Variants in PPARGC1A observed in about 807,000 individuals in gnomAD.
PPARGC1A encodes PPARG coactivator 1 alpha.
A neutral mutation model predicts 88.7 loss-of-function variants in PPARGC1A; 25 were observed. The observed-to-expected ratio is 0.28, with a 90% CI of 0.21 to 0.39. The LOEUF (loss-of-function observed/expected upper bound fraction) is 0.39, where lower values mean the gene tolerates loss of function less well. Among genes scored for constraint, PPARGC1A ranks in the 10% least tolerant of loss-of-function variants. The pLI is 1.00. For missense variants in PPARGC1A, 880 were observed against 968.7 expected, an observed-to-expected ratio of 0.91 and a Z score of 1.22; for synonymous variants, 363 against 355.6, an observed-to-expected ratio of 1.02 and a Z score of -0.24.
chr4:23,816,386 T>C (rs1270504962), intron 7 of PPARGC1A, among the ~76,000 whole-genome samples: 1 of 152,204 alleles, frequency 6.6e-6, no homozygotes, highest in African/African-American at 2.4e-5. Flanking sequence ...CATAGATAAG[T>C]ATGTCTTTTA....
the PPARGC1A span, among the ~76,000 whole-genome samples, chr4:24,275,273 C>A: frequency 1.4e-4 from 22 of 152,276 alleles, no homozygotes; most frequent in African/African-American, 4.6e-4. Flanking sequence ...ATTACAAAAA[C>A]CAATTTTCTT....
At chr4:24,353,855 A>G in the PPARGC1A span, among the ~76,000 whole-genome samples, 2 of 152,222 alleles carry the variant, frequency 1.3e-5, no homozygotes, top group Non-Finnish European at 2.9e-5. Flanking sequence ...TGCAGGGTAC[A>G]CACACTAGGT....
chr4:24,456,361 T>A, the PPARGC1A span, among the ~76,000 whole-genome samples: 4 of 152,060 alleles, frequency 2.6e-5, no homozygotes, highest in Admixed American at 6.6e-5. Context: ...TGACCATGAA[T>A]CCTTACCTGG....
chr4:23,884,416 T>A, intron 2 of PPARGC1A: 1 of 344,836 alleles, frequency 2.9e-6, no homozygotes, highest in Non-Finnish European at 5.2e-6. Context: ...TCATTCTTTC[T>A]GTGGGAAATA....
At chr4:24,420,183 G>T in the PPARGC1A span, among the ~76,000 whole-genome samples, 2 of 152,146 alleles carry the variant, frequency 1.3e-5, no homozygotes, top group African/African-American at 4.8e-5. Flanking sequence ...GAGACTTAAC[G>T]TGGGGATACA....
the PPARGC1A span, among the ~76,000 whole-genome samples, chr4:24,361,895 TC>T: frequency 1.3e-5 from 2 of 152,140 alleles, no homozygotes; most frequent in South Asian, 4.1e-4. Context: ...TCTGATTGCT[TC>T]CCTAACCTAA....
chr4:24,457,715 A>AT, the PPARGC1A span, among the ~76,000 whole-genome samples: 1 of 151,500 alleles, frequency 6.6e-6, no homozygotes, highest in Admixed American at 6.6e-5. Context: ...TGGCTAATTT[A>AT]TTATTTATTT....
the PPARGC1A span, among the ~76,000 whole-genome samples, chr4:24,336,624 C>T: frequency 6.6e-6 from 1 of 152,324 alleles, no homozygotes; most frequent in Non-Finnish European, 1.5e-5. Flanking sequence ...TACATGCATG[C>T]ACTGTTCACA....
the PPARGC1A span, among the ~76,000 whole-genome samples, chr4:23,963,264 C>T: frequency 6.6e-6 from 1 of 152,200 alleles, no homozygotes; most frequent in South Asian, 2.1e-4. Flanking sequence ...TTCTCCCTCA[C>T]TGGCCTCTCT....
At chr4:23,997,811 A>C in the PPARGC1A span, among the ~76,000 whole-genome samples, 4 of 152,260 alleles carry the variant, frequency 2.6e-5, no homozygotes, top group African/African-American at 9.6e-5. Flanking sequence ...TTCTATAAGC[A>C]GTGTTGTAGT....
At chr4:23,853,110 A>G (rs1422415933) in intron 2 of PPARGC1A, among the ~76,000 whole-genome samples, 1 of 152,146 alleles carries the variant, frequency 6.6e-6, no homozygotes, top group Non-Finnish European at 1.5e-5. Flanking sequence ...AGCATTTAGG[A>G]TACTGGTTTT....
At chr4:24,044,386 C>T in the PPARGC1A span, among the ~76,000 whole-genome samples, 1 of 152,272 alleles carries the variant, frequency 6.6e-6, no homozygotes, top group South Asian at 2.1e-4. Flanking sequence ...CGTTCTGATG[C>T]CTGCAAGCAC....
chr4:24,317,939 T>C, the PPARGC1A span, among the ~76,000 whole-genome samples: 1 of 152,152 alleles, frequency 6.6e-6, no homozygotes, highest in Admixed American at 6.5e-5. Context: ...GTCTCTCTCA[T>C]AGGAGGCTAT....
chr4:24,216,194 C>A, the PPARGC1A span, among the ~76,000 whole-genome samples: 1 of 140,602 alleles, frequency 7.1e-6, no homozygotes, highest in Non-Finnish European at 1.5e-5. Context: ...GTCGCCCAGA[C>A]CGGAGTGCAA....
At chr4:23,804,175 C>T (rs1719316984) in intron 10 of PPARGC1A, among the ~76,000 whole-genome samples, 1 of 152,190 alleles carries the variant, frequency 6.6e-6, no homozygotes, top group Admixed American at 6.5e-5. Flanking sequence ...ACTACACCAA[C>T]ATTACCGAAG....
the PPARGC1A span, among the ~76,000 whole-genome samples, chr4:24,273,818 C>T: frequency 2.7e-5 from 4 of 150,208 alleles, no homozygotes; most frequent in Non-Finnish European, 5.9e-5. Flanking sequence ...GCAACCTCCA[C>T]CTTCCAGGTT....
the PPARGC1A span, among the ~76,000 whole-genome samples, chr4:23,940,027 C>A: frequency 6.6e-6 from 1 of 152,196 alleles, no homozygotes. Context: ...CATCCTTCAA[C>A]GTTCCTGGAA....
chr4:23,918,060 C>T, the PPARGC1A span, among the ~76,000 whole-genome samples: 1 of 152,234 alleles, frequency 6.6e-6, no homozygotes, highest in Admixed American at 6.5e-5. Flanking sequence ...ATGGATTTAG[C>T]TTATAAAACT....
chr4:24,103,633 C>T, the PPARGC1A span, among the ~76,000 whole-genome samples: 2 of 144,570 alleles, frequency 1.4e-5, no homozygotes, highest in African/African-American at 5.2e-5. Context: ...ATAAAATGAA[C>T]CGGAATTATA....
Sources: allele counts gnomAD v4.1 joint callset (sites outside exome capture counted in the v4.1 genomes callset), GRCh38; gene constraint gnomAD v4.1.1; transcripts MANE v1.5; gene names NCBI Gene and HGNC (gene_info 2026-07-23, HGNC 2026-07-21).